Variants in CACNA1G observed in about 807,000 individuals in gnomAD.
The protein encoded by CACNA1G is calcium voltage-gated channel subunit alpha1 G, also known as voltage-dependent T-type calcium channel subunit alpha-1G.
A neutral mutation model predicts 219.4 loss-of-function variants in CACNA1G; 67 were observed. The ratio of observed to expected loss-of-function variants is 0.31; its 90% CI spans 0.25 to 0.37. The LOEUF (loss-of-function observed/expected upper bound fraction) is 0.37, where lower values mean the gene tolerates loss of function less well. Among genes scored for constraint, CACNA1G ranks in the 10% least tolerant of loss-of-function variants. The pLI is 1.00. For missense variants in CACNA1G, 2,380 were observed against 3,231.4 expected (o/e 0.74, Z 6.39); for synonymous variants, 1,296 against 1,345.3 (o/e 0.96, Z 0.80).
Position 50,604,145 on chromosome 17 carries a change from C to A in CACNA1G, c.4170-10C>A. On this transcript the variant is annotated splice_polypyrimidine_tract_variant and intron_variant, in intron 21 of 37. Coordinates refer to ENST00000359106, the MANE Select transcript of CACNA1G (RefSeq NM_018896.5). ...GGAAGCCTTATCACCTCCCTCCCTC[C>A]CCTCCCCAGGGTGATCAGCCGGGCG... The A allele has an allele frequency of 1.2e-6, 2 of 1,611,866 alleles. No individual in the cohort carries two copies. The highest frequency in any genetic ancestry group is 2.2e-5 in the South Asian group (2 of 90,856).
In CACNA1G at chr17:50,604,301, C is replaced by T. The variant is rs751944569; in HGVS notation, c.4296+20C>T. 1.2e-6 allele frequency: 2 copies of T among 1,610,826 alleles called. 1 individual carries two copies. Among genetic ancestry groups the T allele is most frequent in the South Asian group, 2.2e-5 (2 of 90,742 alleles). Reference sequence around the variant, plus strand: ...GTGCAGGTGTGTGGGGTTCTGGGGGCCAGCTGTGGGTGAAAGCCTGAAGAG... The same window carrying T: ...GTGCAGGTGTGTGGGGTTCTGGGGGTCAGCTGTGGGTGAAAGCCTGAAGAG... On this transcript the variant is annotated intron_variant, in intron 22 of 37. Transcript: ENST00000359106.
At chr17:50,564,814 T>TTCTGGGGA (rs1377345174) in intron 1 of CACNA1G, among the ~76,000 whole-genome samples, 8 of 151,882 alleles carry the variant, frequency 5.3e-5, no homozygotes, top group Admixed American at 1.3e-4. Context: ...CCAGAGGAGA[T>TTCTGGGGA]TCTGGGGAGA....
Position 50,591,564 on chromosome 17 carries a change from C to A in CACNA1G, c.2583C>A (p.Thr861=), listed in dbSNP as rs769629318. 1 of 1,613,176 alleles carries A rather than the reference C, an allele frequency of 6.2e-7. No individual in the cohort carries two copies. The highest frequency in any genetic ancestry group is 8.5e-7 in the Non-Finnish European group (1 of 1,179,666). ...LQRQLVVLMK[T]MDNVATFCML... ...GGCAGCTGGTGGTGCTCATGAAGAC[C>A]ATGGACAACGTGGCCACCTTCTGCA... Residue 861 remains threonine (T), a synonymous_variant, in exon 11 of 38, where the codon ACC becomes ACA. Transcript: ENST00000359106.
In CACNA1G at chr17:50,592,631, C is replaced by T. The variant is rs111271084; in HGVS notation, c.2910+539C>T. On this transcript the variant is annotated intron_variant, in intron 13 of 37. Transcript: ENST00000359106. ...TTTCCAGCCCAGGCTCCATCACCTT[C>T]GTCACAGGCAGCGTCATCAATTAAT... is the stretch of plus-strand genomic sequence containing the variant. Among the ~76,000 whole-genome samples, 1,230 of 152,328 alleles carry T rather than the reference C, an allele frequency of 8.1e-3. 19 individuals are homozygous for T. The highest frequency in any genetic ancestry group is 0.028 in the African/African-American group (1,178 of 41,562).
chr17:50,600,555 A>G lies in CACNA1G; in HGVS notation c.3691-171A>G, dbSNP rs1480766744. 1.3e-5 allele frequency among the ~76,000 whole-genome samples: 2 copies of G among 151,882 alleles called. No individual in the cohort carries two copies. Among genetic ancestry groups the G allele is most frequent in the African/African-American group, 4.8e-5 (2 of 41,310 alleles). Reference sequence around the variant, plus strand: ...ATGGGGAGGGGGCCTGGCAAGGTTGACAGGGAGATGAGGAGGTGGCTTTAG... The same window carrying G: ...ATGGGGAGGGGGCCTGGCAAGGTTGGCAGGGAGATGAGGAGGTGGCTTTAG... On this transcript the variant is annotated intron_variant, in intron 17 of 37. Coordinates refer to ENST00000359106, the MANE Select transcript of CACNA1G (RefSeq NM_018896.5). The surrounding 1 kb of genome is among the most constrained non-coding windows in gnomAD (Gnocchi z 4.1).
At chr17:50,612,575 C>G (rs973295255) in intron 26 of CACNA1G, among the ~76,000 whole-genome samples, 1 of 152,246 alleles carries the variant, frequency 6.6e-6, no homozygotes, top group African/African-American at 2.4e-5. Flanking sequence ...GTGGCCTCTG[C>G]CGTGGGGGGC....
intron 22 of CACNA1G, among the ~76,000 whole-genome samples, chr17:50,604,778 G>GCTT (rs1388883712): frequency 6.6e-6 from 1 of 152,236 alleles, no homozygotes; most frequent in Non-Finnish European, 1.5e-5. Context: ...ACTTGGCTTT[G>GCTT]GAAGAGAAAG....
chr17:50,561,734 G>T (rs1027140562), intron 1 of CACNA1G, 33 bp downstream of exon 1: 78 of 1,521,920 alleles, frequency 5.1e-5, no homozygotes, highest in Non-Finnish European at 6.5e-5. Context: ...CAGGCGCGGG[G>T]TCAGAAGGGG....
intron 2 of CACNA1G, 41 bp from the exon 3 acceptor site, chr17:50,569,124 A>G: frequency 1.2e-6 from 2 of 1,604,204 alleles, no homozygotes; most frequent in African/African-American, 1.3e-5. Flanking sequence ...GTATTCCCTC[A>G]CCCACGTCTC....
At chr17:50,585,667 G>A (rs2042855837) in intron 9 of CACNA1G, among the ~76,000 whole-genome samples, 1 of 152,108 alleles carries the variant, frequency 6.6e-6, no homozygotes, top group African/African-American at 2.4e-5. Flanking sequence ...ATCCAAACTG[G>A]AGAGCTTCCG....
chr17:50,593,484 C>T (rs1428582112), intron 13 of CACNA1G, among the ~76,000 whole-genome samples: 1 of 152,262 alleles, frequency 6.6e-6, no homozygotes, highest in Non-Finnish European at 1.5e-5. Flanking sequence ...GCCCCCTCCC[C>T]AGCACTCAGC....
chr17:50,594,960 G>A, intron 13 of CACNA1G, 33 bp from the exon 14 acceptor site: 2 of 1,537,566 alleles, frequency 1.3e-6, no homozygotes, highest in East Asian at 2.4e-5. Flanking sequence ...CCTGTGACCA[G>A]CAGCCCTCCC....
At chr17:50,565,385 G>GGT (rs939776223) in intron 1 of CACNA1G, among the ~76,000 whole-genome samples, 1 of 144,972 alleles carries the variant, frequency 6.9e-6, no homozygotes, top group Non-Finnish European at 1.5e-5. Flanking sequence ...TGTGGGGTGG[G>GGT]GCGGGGGGTT....
chr17:50,591,996 C>T lies in CACNA1G; in HGVS notation c.2814C>T (p.Ser938=). The T allele has an allele frequency of 1.2e-6, 2 of 1,614,018 alleles. No individual in the cohort carries two copies. Among genetic ancestry groups the T allele is most frequent in the Non-Finnish European group, 8.5e-7 (1 of 1,179,864 alleles). The change falls in exon 13 of 38, where the codon TCC becomes TCT. Residue 938 remains serine (S), a synonymous_variant. Transcript: ENST00000359106. ...VLYNGMASTS[S]WAALYFIALM... is the part of the protein sequence containing the mutation. ...ACAATGGTATGGCCTCCACGTCGTC[C>T]TGGGCGGCCCTTTATTTCATTGCCC... is the stretch of plus-strand genomic sequence containing the variant.
rs368770577 is a variant in CACNA1G, at chr17:50,599,822, C to T, written c.3653C>T (p.Pro1218Leu). Residue 1218 changes from proline (P) to leucine (L), a missense_variant, in exon 17 of 38, where the codon CCA becomes CTA. Transcript: ENST00000359106. ...CGGGCCCTGCGGCCTGATGACCCCCCACTGGATGGGGATGACGCCGATGAC... is the reference window on the plus strand; with the variant it reads ...CGGGCCCTGCGGCCTGATGACCCCCTACTGGATGGGGATGACGCCGATGAC... Reference protein sequence around the residue: ...LARALRPDDPPLDGDDADDEG... With the variant: ...LARALRPDDPLLDGDDADDEG... 1.2e-6 allele frequency: 2 copies of T among 1,611,326 alleles called. No individual in the cohort carries two copies. Among genetic ancestry groups the T allele is most frequent in the East Asian group, 2.2e-5 (1 of 44,878 alleles).
chr17:50,619,150 A>G (rs2051177496), intron 33 of CACNA1G, 142 bp downstream of exon 33: 2 of 655,144 alleles, frequency 3.1e-6, no homozygotes, highest in Non-Finnish European at 5.0e-6. Flanking sequence ...ATGCTGAGCG[A>G]GCAGTCACTG....
intron 19 of CACNA1G, among the ~76,000 whole-genome samples, chr17:50,601,842 C>G (rs2046730388): frequency 6.6e-6 from 1 of 152,156 alleles, no homozygotes; most frequent in Non-Finnish European, 1.5e-5. Flanking sequence ...CCGCTCACGG[C>G]ATCCTGCACC....
intron 22 of CACNA1G, among the ~76,000 whole-genome samples, chr17:50,604,752 T>C (rs1432919867): frequency 6.6e-6 from 1 of 152,176 alleles, no homozygotes; most frequent in Non-Finnish European, 1.5e-5. Context: ...AACTTGGCCT[T>C]GGGCCCAGGG....
intron 35 of CACNA1G, 93 bp from the exon 36 acceptor site, chr17:50,623,814 G>A: frequency 7.4e-7 from 1 of 1,344,972 alleles, no homozygotes; most frequent in Non-Finnish European, 1.0e-6. Context: ...GGCTGGGCGG[G>A]GGGCGCTGCT....
Sources: allele counts gnomAD v4.1 joint callset (sites outside exome capture counted in the v4.1 genomes callset), GRCh38; gene constraint gnomAD v4.1.1; non-coding constraint Gnocchi (gnomAD v3.1); transcripts MANE v1.5; gene names NCBI Gene and HGNC (gene_info 2026-07-23, HGNC 2026-07-21).